Variants in ATP6V0C observed in about 807,000 individuals in gnomAD.
The protein encoded by ATP6V0C is V-type proton ATPase 16 kDa proteolipid subunit c.
In ATP6V0C, 2 loss-of-function variants were observed where a neutral mutation model predicts 10.6. The observed-to-expected ratio is 0.19, with a 90% CI of 0.08 to 0.59. The LOEUF is 0.59. ATP6V0C is among the 20% of genes least tolerant of loss of function. The pLI is 0.90. For synonymous variants in ATP6V0C, 128 were observed against 101.3 expected (o/e 1.26, Z -1.59); for missense variants, 89 against 225.9 (o/e 0.39, Z 3.88).
chr16:2,517,605 G>C (rs2065882936), intron 1 of ATP6V0C: 1 of 152,270 alleles, frequency 6.6e-6, no homozygotes, highest in Non-Finnish European at 1.5e-5. Flanking sequence ...ACACAGGGTA[G>C]GCAAGTTTTG....
intron 1 of ATP6V0C, among the ~76,000 whole-genome samples, chr16:2,516,286 T>C (rs1431691348): frequency 1.3e-5 from 2 of 152,030 alleles, no homozygotes; most frequent in Non-Finnish European, 2.9e-5. Flanking sequence ...CTAATTTTTT[T>C]TTTTTAGAGA....
At position 2,519,363 on chromosome 16, in the gene ATP6V0C, C is replaced by T. The variant is rs766645348; in HGVS notation, c.225C>T (p.Leu75=). 20 of 1,613,920 alleles carry T rather than the reference C, an allele frequency of 1.2e-5. No homozygotes were observed. The highest frequency in any genetic ancestry group is 1.6e-5 in the Non-Finnish European group (19 of 1,179,918). The change falls in exon 2 of 3, where the codon CTC becomes CTT. Residue 75 remains leucine (L), a synonymous_variant. Coordinates refer to ENST00000330398, the MANE Select transcript of ATP6V0C (RefSeq NM_001694.4). ...IAIYGLVVAV[L]IANSLNDDIS... The stretch of plus-strand genomic sequence containing the variant: ...TCTACGGCCTGGTGGTGGCAGTCCT[C>T]ATCGCCAACTCCCTGAATGACGACA...
chr16:2,514,813 C>CTGA (rs1318807332), intron 1 of ATP6V0C, among the ~76,000 whole-genome samples: 2 of 152,176 alleles, frequency 1.3e-5, no homozygotes, highest in Admixed American at 1.3e-4. Flanking sequence ...GAAAGCTGGG[C>CTGA]TGAGGGCTTG....
At position 2,519,924 on chromosome 16, in the gene ATP6V0C, C is replaced by G. The variant is rs531952668; in HGVS notation, c.*179C>G. The G allele has an allele frequency of 1.5e-3, 1,397 of 912,996 alleles. 9 individuals carry two copies. The African/African-American group carries it at 0.02, about 13-fold the overall frequency. 56.6% of individuals were successfully genotyped at this position (912,996 alleles called of 1,614,324 possible). On this transcript the variant is annotated 3_prime_UTR_variant, in exon 3 of 3. Transcript: ENST00000330398. ...GGCCTTGCCCCCGCCCGCCCCGTGC[C>G]GTGGACATCTGGGCCCACTCATCGC...
intron 1 of ATP6V0C, among the ~76,000 whole-genome samples, chr16:2,516,170 T>A (rs980640047): frequency 2.0e-5 from 3 of 146,576 alleles, no homozygotes; most frequent in Non-Finnish European, 3.0e-5. Flanking sequence ...TGGAGTGCAG[T>A]GGTGTGGTCA....
chr16:2,516,209 C>T (rs913552920), intron 1 of ATP6V0C, among the ~76,000 whole-genome samples: 3 of 151,358 alleles, frequency 2.0e-5, no homozygotes, highest in Non-Finnish European at 4.4e-5. Flanking sequence ...ACCTCCCAGG[C>T]TCAAGCAATC....
At chr16:2,519,043 G>A in intron 1 of ATP6V0C, 175 bp from the exon 2 acceptor site, 1 of 666,256 alleles carries the variant, frequency 1.5e-6, no homozygotes, top group East Asian at 3.0e-5. Flanking sequence ...CCTTTTGCTT[G>A]CCCGTGGCTG....
chr16:2,516,318 A>G (rs1373856216), intron 1 of ATP6V0C, among the ~76,000 whole-genome samples: 1 of 151,912 alleles, frequency 6.6e-6, no homozygotes, highest in Non-Finnish European at 1.5e-5. Context: ...CATGTGGCTC[A>G]GGCTGGTCTC....
intron 1 of ATP6V0C, among the ~76,000 whole-genome samples, chr16:2,515,127 AC>A (rs2065870907): frequency 6.6e-6 from 1 of 151,806 alleles, no homozygotes; most frequent in South Asian, 2.1e-4. Context: ...TCTTGGTGGC[AC>A]CCTGCTTTTG....
intron 1 of ATP6V0C, 188 bp from the exon 2 acceptor site, chr16:2,519,030 C>T (rs2065893169): frequency 1.3e-5 from 8 of 595,594 alleles, no homozygotes; most frequent in Admixed American, 3.4e-5. Flanking sequence ...GCTGTCCTGG[C>T]CTCCTTTTGC....
chr16:2,515,921 C>T (rs189558738), intron 1 of ATP6V0C, among the ~76,000 whole-genome samples: 3 of 152,042 alleles, frequency 2.0e-5, no homozygotes, highest in African/African-American at 4.8e-5. Flanking sequence ...CCTCTCTCTC[C>T]GTCAAGACCT....
rs2065904028 is a variant in ATP6V0C at position 2,520,090 on chromosome 16, C to G, written c.*345C>G. 1 of 613,824 alleles carries G rather than the reference C, an allele frequency of 1.6e-6. No homozygotes were observed. Among genetic ancestry groups the G allele is most frequent in the South Asian group, 1.5e-5 (1 of 65,704 alleles). The allele number at this position is 613,824 out of a possible 1,614,324, so 38.0% of individuals were successfully genotyped here. A position where few individuals can be genotyped will look rare whatever the true frequency, so the allele number is the denominator to read the frequency against. On this transcript the variant is annotated 3_prime_UTR_variant, in exon 3 of 3. Coordinates refer to ENST00000330398, the MANE Select transcript of ATP6V0C (RefSeq NM_001694.4). ...CTGCGGAGCGGCCCTTGTCTCCCAG[C>G]TATCTATAACCTTAGCTAGAGTGTC... is the stretch of plus-strand genomic sequence containing the variant.
chr16:2,519,658 A>G lies in ATP6V0C; in HGVS notation c.381A>G (p.Leu127=), dbSNP rs1219648803. The G allele has an allele frequency of 7.4e-6, 12 of 1,612,234 alleles. No homozygotes were observed. Among genetic ancestry groups the G allele is most frequent in the South Asian group, 2.2e-5 (2 of 91,022 alleles). The change falls in exon 3 of 3, where the codon CTA becomes CTG. Residue 127 remains leucine, a synonymous_variant. Coordinates refer to ENST00000330398, the MANE Select transcript of ATP6V0C (RefSeq NM_001694.4). ...GVRGTAQQPR[L]FVGMILILIF... ...GGGGCACCGCCCAGCAGCCCCGACT[A>G]TTCGTGGGCATGATCCTGATTCTCA...
intron 1 of ATP6V0C, among the ~76,000 whole-genome samples, chr16:2,518,158 A>G (rs763299417): frequency 2.6e-5 from 4 of 152,212 alleles, no homozygotes; most frequent in Non-Finnish European, 4.4e-5. Context: ...TGCAGTCCCC[A>G]CAAGCAGCTC....
chr16:2,514,430 C>T (rs1369104469), intron 1 of ATP6V0C: 4 of 216,104 alleles, frequency 1.9e-5, no homozygotes, highest in Admixed American at 5.9e-5. Context: ...GGCGGCCCTG[C>T]CAGCCGGGTC....
At chr16:2,516,097 CTTT>C (rs11367350) in intron 1 of ATP6V0C, among the ~76,000 whole-genome samples, 7 of 125,026 alleles carry the variant, frequency 5.6e-5, no homozygotes, top group Admixed American at 1.6e-4. Context: ...CAGACAACTG[CTTT>C]TTTTTTTTTT....
Position 2,519,598 on chromosome 16 carries a change from C to T in ATP6V0C, c.321C>T (p.Gly107=). ...TGGGCCTGAGCGGCCTGGCAGCCGG[C>T]TTTGCCATCGGCATCGTGGGGGACG... The part of the protein sequence containing the change: ...LSVGLSGLAA[G]FAIGIVGDAG... The change falls in exon 3 of 3, where the codon GGC becomes GGT. Residue 107 remains glycine (G), a synonymous_variant. Transcript: ENST00000330398. The T allele has an allele frequency of 1.3e-6, 2 of 1,589,412 alleles. No homozygotes were observed. The highest frequency in any genetic ancestry group is 1.1e-5 in the South Asian group (1 of 89,666).
Position 2,520,057 on chromosome 16 carries a change from T to C in ATP6V0C, c.*312T>C. The stretch of plus-strand genomic sequence containing the variant: ...GTTTATTTATAAAGATCTGGCCTGT[T>C]CCTGCGTCTGCGGAGCGGCCCTTGT... On this transcript the variant is annotated 3_prime_UTR_variant, in exon 3 of 3. Coordinates refer to ENST00000330398, the MANE Select transcript of ATP6V0C (RefSeq NM_001694.4). 1.6e-6 allele frequency: 1 copy of C among 633,650 alleles called. No homozygotes were observed. The highest frequency in any genetic ancestry group is 2.9e-6 in the Non-Finnish European group (1 of 342,418). 39.3% of individuals were successfully genotyped at this position (633,650 alleles called of 1,614,324 possible). A position where few individuals can be genotyped will look rare whatever the true frequency, so the allele number is the denominator to read the frequency against.
At chr16:2,515,576 C>T (rs767156135) in intron 1 of ATP6V0C, among the ~76,000 whole-genome samples, 8 of 152,178 alleles carry the variant, frequency 5.3e-5, no homozygotes, top group Non-Finnish European at 1.0e-4. Flanking sequence ...GTCTAGACTT[C>T]TCCTTCCCCC....
Sources: allele counts gnomAD v4.1 joint callset (sites outside exome capture counted in the v4.1 genomes callset), GRCh38; gene constraint gnomAD v4.1.1; transcripts MANE v1.5; gene names NCBI Gene and HGNC (gene_info 2026-07-23, HGNC 2026-07-21).